The following HNRNPC variants were observed in gnomAD, a reference collection of about 807,000 sequenced individuals.
The protein encoded by HNRNPC is heterogeneous nuclear ribonucleoproteins C1/C2.
In HNRNPC, 3 loss-of-function variants were observed where a neutral mutation model predicts 33.2. That is an observed-to-expected ratio of 0.09 (90% confidence interval 0.04 to 0.23). The LOEUF is 0.23. Ranked by LOEUF, HNRNPC falls within the 10% of genes least tolerant of loss-of-function variation. The pLI, the probability that HNRNPC is intolerant of heterozygous loss-of-function variation, is 1.00. For missense variants in HNRNPC, 143 were observed against 366.7 expected (o/e 0.39, Z 4.98); for synonymous variants, 121 against 126.7 (o/e 0.96, Z 0.30).
At chr14:21,236,304 C>T (rs1349202918) in intron 2 of HNRNPC, 1 of 152,158 alleles carries the variant, frequency 6.6e-6, no homozygotes, top group Non-Finnish European at 1.5e-5. Context: ...TCATCAACTA[C>T]TTATTTTTAA....
intron 2 of HNRNPC, among the ~76,000 whole-genome samples, chr14:21,248,766 C>T (rs764525447): frequency 6.6e-6 from 1 of 152,136 alleles, no homozygotes; most frequent in African/African-American, 2.4e-5. Flanking sequence ...ATAAATGGTC[C>T]GTATGAACCC....
In HNRNPC at chr14:21,211,582, A is replaced by G; in HGVS notation, c.638-16T>C. On this transcript the variant is annotated splice_polypyrimidine_tract_variant and intron_variant, in intron 7 of 8. Coordinates refer to ENST00000553300, the MANE Select transcript of HNRNPC (RefSeq NM_004500.4). ...TTCATCTCTACTGCGGATGAGAAGGACAAGTCTGTCTAGGGGCAGTAATGT... is the reference window on the plus strand; with the variant it reads ...TTCATCTCTACTGCGGATGAGAAGGGCAAGTCTGTCTAGGGGCAGTAATGT... 6.3e-7 allele frequency: 1 copy of G among 1,598,654 alleles called. No individual in the cohort carries two copies. The highest frequency in any genetic ancestry group is 8.5e-7 in the Non-Finnish European group (1 of 1,171,606).
At chr14:21,215,954 A>AC (rs1194219846) in intron 5 of HNRNPC, among the ~76,000 whole-genome samples, 47 of 151,512 alleles carry the variant, frequency 3.1e-4, no homozygotes, top group African/African-American at 9.5e-4. Flanking sequence ...AAGAAAAAAA[A>AC]AACAACAAAA....
At chr14:21,258,907 G>A (rs962129689) in intron 2 of HNRNPC, among the ~76,000 whole-genome samples, 3 of 151,956 alleles carry the variant, frequency 2.0e-5, no homozygotes, top group Non-Finnish European at 2.9e-5. Flanking sequence ...ACTCTAATAG[G>A]TCTCCAAACT....
chr14:21,243,806 G>A (rs928598333), intron 2 of HNRNPC, among the ~76,000 whole-genome samples: 2 of 152,090 alleles, frequency 1.3e-5, no homozygotes, highest in Non-Finnish European at 2.9e-5. Flanking sequence ...ATACTTGACA[G>A]CCATTAAACA....
chr14:21,269,122 A>C (rs1879520060), intron 1 of HNRNPC, among the ~76,000 whole-genome samples, 176 bp downstream of exon 1: 2 of 152,098 alleles, frequency 1.3e-5, no homozygotes, highest in Admixed American at 1.3e-4. Context: ...GGTTAAACCT[A>C]TACAGAGGCT....
At chr14:21,267,095 CAAAAAAAA>C (rs56203257) in intron 1 of HNRNPC, among the ~76,000 whole-genome samples, 10 of 104,050 alleles carry the variant, frequency 9.6e-5, no homozygotes, top group East Asian at 6.2e-4. Context: ...GACTCCGTCT[CAAAAAAAA>C]AAAAAAAAAA....
chr14:21,237,539 C>A (rs1243884946), intron 2 of HNRNPC, among the ~76,000 whole-genome samples: 3 of 152,344 alleles, frequency 2.0e-5, no homozygotes, highest in South Asian at 2.1e-4. Context: ...TTTGTCAAGA[C>A]TACCTCGTCC....
chr14:21,222,142 C>T (rs1030618435), intron 5 of HNRNPC, among the ~76,000 whole-genome samples: 27 of 151,460 alleles, frequency 1.8e-4, no homozygotes, highest in African/African-American at 5.3e-4. Flanking sequence ...TACCACCACA[C>T]TCTCACTAGA....
intron 5 of HNRNPC, among the ~76,000 whole-genome samples, chr14:21,216,120 CAAAAAAAA>C (rs370660995): frequency 5.6e-4 from 49 of 87,832 alleles, no homozygotes; most frequent in Non-Finnish European, 6.2e-4. Context: ...CCTCCACCAC[CAAAAAAAA>C]AAAAAAAAAA....
chr14:21,268,173 AT>A (rs529398677), intron 1 of HNRNPC, among the ~76,000 whole-genome samples: 20 of 152,026 alleles, frequency 1.3e-4, no homozygotes, highest in Non-Finnish European at 2.1e-4. Context: ...GATCTAAACA[AT>A]TTTTTTTAAC....
chr14:21,250,193 C>T (rs144249841), intron 2 of HNRNPC, among the ~76,000 whole-genome samples: 60 of 151,704 alleles, frequency 4.0e-4, no homozygotes, highest in African/African-American at 1.4e-3. Context: ...GCAGAGGTTG[C>T]AGTGAGCCGA....
intron 5 of HNRNPC, 68 bp from the exon 6 acceptor site, chr14:21,213,185 T>C (rs1891803846): frequency 6.9e-7 from 1 of 1,453,102 alleles, no homozygotes; most frequent in Non-Finnish European, 9.5e-7. Flanking sequence ...CAACAGACCT[T>C]ATGATAAATA....
intron 2 of HNRNPC, among the ~76,000 whole-genome samples, chr14:21,259,711 C>T (rs1244982155): frequency 6.6e-6 from 1 of 152,046 alleles, no homozygotes; most frequent in African/African-American, 2.4e-5. Context: ...TTGTCCAAGC[C>T]AGGTCGTTAT....
chr14:21,227,020 C>T (rs1457329772), intron 5 of HNRNPC, among the ~76,000 whole-genome samples: 2 of 151,890 alleles, frequency 1.3e-5, no homozygotes, highest in African/African-American at 2.4e-5. Context: ...ATCGCTGTTA[C>T]CATTTAAAAT....
At chr14:21,229,100 A>T (rs11848510) in intron 5 of HNRNPC, among the ~76,000 whole-genome samples, 1 of 149,484 alleles carries the variant, frequency 6.7e-6, no homozygotes, top group Non-Finnish European at 1.5e-5. Context: ...AAAAAAAAAA[A>T]AAAAATCAGG....
intron 5 of HNRNPC, among the ~76,000 whole-genome samples, chr14:21,225,360 AG>A (rs991228872): frequency 2.0e-5 from 3 of 151,284 alleles, no homozygotes; most frequent in Non-Finnish European, 4.4e-5. Context: ...TGAACCTGGG[AG>A]GTGGAGGTTG....
chr14:21,264,578 C>A (rs1022768463), intron 1 of HNRNPC: 1 of 152,154 alleles, frequency 6.6e-6, no homozygotes, highest in Non-Finnish European at 1.5e-5. Flanking sequence ...GTACATAATA[C>A]CACACTAAAA....
At chr14:21,244,673 A>G (rs1214830815) in intron 2 of HNRNPC, among the ~76,000 whole-genome samples, 1 of 152,230 alleles carries the variant, frequency 6.6e-6, no homozygotes, top group African/African-American at 2.4e-5. Context: ...TTGTATCGTT[A>G]TGCAATTTTG....
Sources: gnomAD v4.1 joint callset for allele counts (sites outside exome capture counted in the v4.1 genomes callset) on GRCh38, gnomAD v4.1.1 for gene constraint, MANE v1.5 for transcripts, NCBI Gene and HGNC (gene_info 2026-07-23, HGNC 2026-07-21) for gene names.